CCSER1: variants seen among roughly 807,000 people sequenced by gnomAD.
CCSER1 encodes serine-rich coiled-coil domain-containing protein 1.
A neutral mutation model predicts 82.0 loss-of-function variants in CCSER1; 41 were observed. That is an observed-to-expected ratio of 0.50 (90% CI 0.39 to 0.65). CCSER1 has a LOEUF of 0.65. Ranked by LOEUF, CCSER1 falls within the 30% of genes least tolerant of loss-of-function variation. The pLI, the probability that CCSER1 is intolerant of heterozygous loss-of-function variation, is 0.00. For missense variants in CCSER1, 1,119 were observed against 1,064.2 expected, an observed-to-expected ratio of 1.05 and a Z score of -0.72; for synonymous variants, 414 against 383.9, an observed-to-expected ratio of 1.08 and a Z score of -0.92.
chr4:90,935,795 A>G (rs1730858311), intron 9 of CCSER1, among the ~76,000 whole-genome samples: 1 of 152,144 alleles, frequency 6.6e-6, no homozygotes, highest in African/African-American at 2.4e-5. Context: ...AACAGTTTAG[A>G]GGTTACTACT....
At chr4:90,429,772 G>T (rs921634814) in intron 4 of CCSER1, among the ~76,000 whole-genome samples, 1 of 151,760 alleles carries the variant, frequency 6.6e-6, no homozygotes, top group African/African-American at 2.4e-5. Context: ...TATGTGGCTT[G>T]TCAAAATTTA....
chr4:91,594,400 C>T lies in CCSER1; in HGVS notation c.2218-4172C>T, dbSNP rs140776279. Among the ~76,000 whole-genome samples, 911 of 133,916 alleles carry T rather than the reference C, an allele frequency of 6.8e-3. 3 individuals are homozygous for T. Among genetic ancestry groups the T allele is most frequent in the Non-Finnish European group, 0.011 (677 of 61,040 alleles). The allele number at this position is 133,916 out of a possible 152,430, so 87.9% of individuals were successfully genotyped here. On this transcript the variant is annotated intron_variant, in intron 10 of 10. Coordinates refer to ENST00000509176, the MANE Select transcript of CCSER1 (RefSeq NM_001145065.2). The stretch of plus-strand genomic sequence containing the variant: ...ATATACACACATATATACATATATA[C>T]ACATATATACACATATATATACATA...
At chr4:91,147,305 GTGAGTC>G (rs891146414) in intron 10 of CCSER1, among the ~76,000 whole-genome samples, 1 of 152,176 alleles carries the variant, frequency 6.6e-6, no homozygotes, top group Non-Finnish European at 1.5e-5. Context: ...CCCCAATCCA[GTGAGTC>G]TCTCCAGCAC....
chr4:91,139,393 C>T (rs964118740), intron 10 of CCSER1, among the ~76,000 whole-genome samples: 1 of 152,010 alleles, frequency 6.6e-6, no homozygotes, highest in African/African-American at 2.4e-5. Flanking sequence ...TTCAGAACAA[C>T]AATTTGAGGA....
At chr4:91,589,476 AT>A (rs748539101) in intron 10 of CCSER1, among the ~76,000 whole-genome samples, 1 of 151,828 alleles carries the variant, frequency 6.6e-6, no homozygotes, top group East Asian at 1.9e-4. Flanking sequence ...GAATCTAAAG[AT>A]TTTTTTAAGA....
At chr4:90,391,443 GGTATATATATATATATATATATAT>G (rs1469733397) in intron 3 of CCSER1, among the ~76,000 whole-genome samples, 1 of 36,940 alleles carries the variant, frequency 2.7e-5, no homozygotes, top group East Asian at 8.6e-4. Flanking sequence ...AATATATGGG[GGTATATATATATATATATATATAT>G]ATATATATAT....
intron 10 of CCSER1, among the ~76,000 whole-genome samples, chr4:91,575,701 C>T (rs897096875): frequency 1.3e-4 from 20 of 151,610 alleles, no homozygotes; most frequent in African/African-American, 4.4e-4. Flanking sequence ...TAGAACCAAG[C>T]TGGAGGCTTC....
intron 7 of CCSER1, among the ~76,000 whole-genome samples, chr4:90,747,854 C>A (rs1265438998): frequency 6.8e-6 from 1 of 146,450 alleles, no homozygotes. Context: ...TTCCTGTGTC[C>A]ATGTGTTCTC....
intron 3 of CCSER1, among the ~76,000 whole-genome samples, chr4:90,391,693 A>G (rs1290480902): frequency 6.6e-6 from 1 of 151,552 alleles, no homozygotes; most frequent in Non-Finnish European, 1.5e-5. Flanking sequence ...AGGAACTAGA[A>G]TGGTGGCTGG....
chr4:90,265,087 T>C (rs1725002187), intron 1 of CCSER1, among the ~76,000 whole-genome samples: 1 of 151,990 alleles, frequency 6.6e-6, no homozygotes, highest in South Asian at 2.1e-4. Flanking sequence ...TAATCTTTAA[T>C]TTTGCGAGAT....
intron 10 of CCSER1, among the ~76,000 whole-genome samples, chr4:91,324,754 A>G (rs1746432029): frequency 6.6e-6 from 1 of 152,150 alleles, no homozygotes; most frequent in Admixed American, 6.6e-5. Flanking sequence ...TGAGGGCCTT[A>G]CTGAAATCAG....
chr4:91,515,701 CTT>C (rs1455613074), intron 10 of CCSER1, among the ~76,000 whole-genome samples: 1 of 151,926 alleles, frequency 6.6e-6, no homozygotes, highest in Non-Finnish European at 1.5e-5. Context: ...TGATGATATT[CTT>C]TTGGATATAT....
At chr4:91,299,315 T>C (rs991485275) in intron 10 of CCSER1, among the ~76,000 whole-genome samples, 3 of 152,048 alleles carry the variant, frequency 2.0e-5, no homozygotes, top group Non-Finnish European at 4.4e-5. Flanking sequence ...TTAAACTGTC[T>C]TTTAAAAAAA....
At chr4:91,588,754 G>A (rs1325023365) in intron 10 of CCSER1, among the ~76,000 whole-genome samples, 1 of 151,698 alleles carries the variant, frequency 6.6e-6, no homozygotes, top group Non-Finnish European at 1.5e-5. Context: ...ATTGCCTTGT[G>A]TATGTCCCCT....
chr4:90,357,211 C>A (rs1297807895), intron 3 of CCSER1, among the ~76,000 whole-genome samples: 3 of 151,694 alleles, frequency 2.0e-5, no homozygotes, highest in African/African-American at 7.3e-5. Flanking sequence ...TTTTAAAAAA[C>A]CATATTATGC....
At chr4:90,786,848 G>A (rs963171291) in intron 7 of CCSER1, among the ~76,000 whole-genome samples, 3 of 152,186 alleles carry the variant, frequency 2.0e-5, no homozygotes, top group African/African-American at 7.2e-5. Context: ...TTCCCCAAGA[G>A]TCCTCTTCAG....
intron 10 of CCSER1, among the ~76,000 whole-genome samples, chr4:91,413,914 A>T (rs1469303120): frequency 2.0e-5 from 3 of 152,148 alleles, no homozygotes; most frequent in Admixed American, 6.6e-5. Context: ...AGAAAAAAAA[A>T]CTATCAACCA....
chr4:90,715,290 T>C (rs1460020999), intron 6 of CCSER1, among the ~76,000 whole-genome samples: 1 of 152,008 alleles, frequency 6.6e-6, no homozygotes, highest in Non-Finnish European at 1.5e-5. Flanking sequence ...CCTATGTGAA[T>C]TGATGTAGTT....
chr4:91,259,479 A>C (rs1740938890), intron 10 of CCSER1, among the ~76,000 whole-genome samples: 1 of 152,148 alleles, frequency 6.6e-6, no homozygotes. Flanking sequence ...TCTGGGGTAC[A>C]TGTGCAGAAC....
Sources: gnomAD v4.1 joint callset for allele counts (sites outside exome capture counted in the v4.1 genomes callset) on GRCh38, gnomAD v4.1.1 for gene constraint, MANE v1.5 for transcripts, NCBI Gene and HGNC (gene_info 2026-07-23, HGNC 2026-07-21) for gene names.